The following SCN2A variants were observed in gnomAD, a reference collection of about 807,000 sequenced individuals.
The protein encoded by SCN2A is sodium voltage-gated channel alpha subunit 2, also known as sodium channel protein type 2 subunit alpha.
In SCN2A, 20 loss-of-function variants were observed where a neutral mutation model predicts 188.7. That is an observed-to-expected ratio of 0.11 (90% CI 0.07 to 0.15). The LOEUF (loss-of-function observed/expected upper bound fraction) is 0.15, where lower values mean the gene tolerates loss of function less well. Ranked by LOEUF, SCN2A falls within the 10% of genes least tolerant of loss-of-function variation. The pLI, the probability that SCN2A is intolerant of heterozygous loss-of-function variation, is 1.00. For synonymous variants in SCN2A, 804 were observed against 833.1 expected (o/e 0.97, Z 0.60); for missense variants, 1,278 against 2,445.0 (o/e 0.52, Z 10.07).
chr2:165,337,291 G>A (rs183794874), intron 14 of SCN2A, among the ~76,000 whole-genome samples: 1 of 152,064 alleles, frequency 6.6e-6, no homozygotes, highest in Non-Finnish European at 1.5e-5. Flanking sequence ...GAATTAAAAG[G>A]AAAAATGAAC....
Position 165,323,200 on chromosome 2 carries a change from C to G in SCN2A, c.1716C>G (p.Asn572Lys), listed in dbSNP as rs1698162036. Residue 572 changes from asparagine (N) to lysine (K), a missense_variant, in exon 12 of 27, where the codon AAC (asparagine) becomes AAG (lysine). Physicochemically the swap from Asn to Lys is moderately conservative, Grantham distance 94. This residue lies in a region of SCN2A where 315 missense variants were observed against 386.6 expected (regional missense o/e 0.81). Transcript: ENST00000375437. ...IRGSLFSPRR[N>K]SRASLFSFRG... ...GCTCCCTTTTCTCTCCAAGACGCAA[C>G]AGTAGGGCGAGCCTTTTCAGCTTCA... 6.2e-7 allele frequency: 1 copy of G among 1,614,210 alleles called. No homozygotes were observed. The highest frequency in any genetic ancestry group is 8.5e-7 in the Non-Finnish European group (1 of 1,180,052).
At chr2:165,262,422 T>G (rs927723710) in intron 1 of SCN2A, among the ~76,000 whole-genome samples, 1 of 152,090 alleles carries the variant, frequency 6.6e-6, no homozygotes, top group Non-Finnish European at 1.5e-5. Context: ...TCTTATGCCT[T>G]TGCATCCTCA....
chr2:165,326,741 C>T, intron 12 of SCN2A, 111 bp from the exon 13 acceptor site: 1 of 1,196,376 alleles, frequency 8.4e-7, no homozygotes, highest in Non-Finnish European at 1.2e-6. Context: ...GAGCTTTTTA[C>T]ATCTGAGAAA....
chr2:165,351,937 A>G (rs1337061367), intron 16 of SCN2A, among the ~76,000 whole-genome samples: 1 of 151,366 alleles, frequency 6.6e-6, no homozygotes, highest in Non-Finnish European at 1.5e-5. Context: ...ATTTAACAGG[A>G]CAGAATGAGA....
At chr2:165,363,740 A>T (rs967813091) in intron 17 of SCN2A, among the ~76,000 whole-genome samples, 1 of 152,156 alleles carries the variant, frequency 6.6e-6, no homozygotes, top group African/African-American at 2.4e-5. Context: ...ATAAATTAAA[A>T]TAAGAAATCA....
intron 21 of SCN2A, 116 bp downstream of exon 21, chr2:165,373,463 T>C: frequency 1.7e-6 from 2 of 1,154,934 alleles, no homozygotes; most frequent in South Asian, 1.3e-5. Context: ...CATACTGACA[T>C]AGCTAATCAA....
At chr2:165,369,526 C>A (rs990772057) in intron 19 of SCN2A, among the ~76,000 whole-genome samples, 1 of 152,082 alleles carries the variant, frequency 6.6e-6, no homozygotes, top group Non-Finnish European at 1.5e-5. Context: ...ATAATTTTTC[C>A]GATAAGAAGA....
At chr2:165,279,566 G>A (rs1695494333) in intron 1 of SCN2A, among the ~76,000 whole-genome samples, 1 of 151,882 alleles carries the variant, frequency 6.6e-6, no homozygotes, top group Non-Finnish European at 1.5e-5. Context: ...TATTATATTA[G>A]TAATTATATA....
chr2:165,334,034 T>C (rs1302163785), intron 14 of SCN2A, among the ~76,000 whole-genome samples: 1 of 149,414 alleles, frequency 6.7e-6, no homozygotes, highest in East Asian at 1.9e-4. Context: ...GAAAAATTCC[T>C]AGGGAGTAAC....
chr2:165,342,222 T>C (rs1253381991), intron 14 of SCN2A, 74 bp from the exon 15 acceptor site: 2 of 1,380,118 alleles, frequency 1.4e-6, no homozygotes, highest in Non-Finnish European at 2.1e-6. Flanking sequence ...TTGTTGGGAG[T>C]AAATTAAGTT....
intron 1 of SCN2A, 64 bp from the exon 2 acceptor site, chr2:165,295,709 G>C (rs1696469834): frequency 6.8e-7 from 1 of 1,463,982 alleles, no homozygotes; most frequent in East Asian, 2.3e-5. Context: ...TCAGTGTCAT[G>C]TAACTGACAC....
In SCN2A at chr2:165,388,648, G is replaced by C; in HGVS notation, c.4842G>C (p.Leu1614=). Residue 1614 remains leucine (L), a synonymous_variant, in exon 27 of 27, where the codon CTG becomes CTC. Transcript: ENST00000375437. ...CTACAGGAATGTTTCTGGCTGAACT[G>C]ATAGAAAAGTATTTTGTGTCCCCTA... ...LSIVGMFLAE[L]IEKYFVSPTL... is the part of the protein sequence containing the mutation. 1 of 1,613,882 alleles carries C rather than the reference G, an allele frequency of 6.2e-7. No homozygotes were observed. The highest frequency in any genetic ancestry group is 8.5e-7 in the Non-Finnish European group (1 of 1,179,860).
At chr2:165,341,088 T>A (rs892321528) in intron 14 of SCN2A, among the ~76,000 whole-genome samples, 10 of 151,954 alleles carry the variant, frequency 6.6e-5, no homozygotes, top group East Asian at 3.9e-4. Flanking sequence ...ATATATATAT[T>A]TTTTGTTTGT....
chr2:165,378,963 C>A (rs1324509845), intron 23 of SCN2A, among the ~76,000 whole-genome samples: 1 of 151,554 alleles, frequency 6.6e-6, no homozygotes, highest in African/African-American at 2.4e-5. Context: ...CAAGTTTTAC[C>A]AAGGATAAAC....
intron 17 of SCN2A, among the ~76,000 whole-genome samples, chr2:165,360,011 G>GTGA (rs1381871961): frequency 6.6e-6 from 1 of 151,696 alleles, no homozygotes; most frequent in African/African-American, 2.4e-5. Flanking sequence ...TTCTTTTTTA[G>GTGA]TTCTCAGAAA....
At position 165,315,720 on chromosome 2, in the gene SCN2A, A is replaced by G. The variant is rs1172964642; in HGVS notation, c.1633A>G (p.Arg545Gly). The G allele has an allele frequency of 2.5e-6, 4 of 1,613,180 alleles. No individual in the cohort carries two copies. Among genetic ancestry groups the G allele is most frequent in the African/African-American group, 1.3e-5 (1 of 74,858 alleles). Residue 545 changes from arginine (R) to glycine (G), a missense_variant, in exon 11 of 27, where the codon AGG becomes GGG. Transcript: ENST00000375437. ...TTTCCGTTTTTCCTTGGAAGGAAGT[A>G]GGCTGACATATGAAAAGAGATTTTC... ...KGFRFSLEGS[R>G]LTYEKRFSSP...
chr2:165,379,254 A>T (rs1301609072), intron 23 of SCN2A, among the ~76,000 whole-genome samples: 1 of 151,752 alleles, frequency 6.6e-6, no homozygotes, highest in Non-Finnish European at 1.5e-5. Context: ...GATGAAAATG[A>T]ATGAATACCG....
At position 165,344,823 on chromosome 2, in the gene SCN2A, T is replaced by C; in HGVS notation, c.2831T>C (p.Ile944Thr). The C allele has an allele frequency of 6.2e-7, 1 of 1,614,150 alleles. No individual in the cohort carries two copies. Among genetic ancestry groups the C allele is most frequent in the Admixed American group, 1.7e-5 (1 of 60,010 alleles). Residue 944 changes from isoleucine to threonine, a missense_variant, in exon 16 of 27, where the codon ATA (isoleucine) becomes ACA (threonine). Ile to Thr is a moderately conservative substitution (Grantham distance 89). Transcript: ENST00000375437. ...TTCCGCGTGCTGTGTGGAGAGTGGA[T>C]AGAGACCATGTGGGACTGTATGGAG... ...IVFRVLCGEW[I>T]ETMWDCMEVA...
At chr2:165,362,844 C>T (rs1700534364) in intron 17 of SCN2A, among the ~76,000 whole-genome samples, 1 of 151,954 alleles carries the variant, frequency 6.6e-6, no homozygotes, top group African/African-American at 2.4e-5. Context: ...GGTGAATAGC[C>T]TAGGGTGCAT....
Sources: allele counts gnomAD v4.1 joint callset (sites outside exome capture counted in the v4.1 genomes callset), GRCh38; gene constraint gnomAD v4.1.1; regional missense constraint gnomAD v4.1.1; transcripts MANE v1.5; gene names NCBI Gene and HGNC (gene_info 2026-07-23, HGNC 2026-07-21).